The following MTOR variants were observed in gnomAD, a reference collection of about 807,000 sequenced individuals.
MTOR encodes serine/threonine-protein kinase mTOR.
Under a neutral mutation model 319.8 loss-of-function variants are expected in MTOR, and 70 were observed. The ratio of observed to expected loss-of-function variants is 0.22; its 90% CI spans 0.18 to 0.27. The LOEUF is 0.27. MTOR is among the 10% of genes least tolerant of loss of function. The pLI, the probability that MTOR is intolerant of heterozygous loss-of-function variation, is 1.00. For missense variants in MTOR, 1,890 were observed against 3,274.4 expected (o/e 0.58, Z 10.32); for synonymous variants, 1,183 against 1,211.4 (o/e 0.98, Z 0.49).
intron 49 of MTOR, among the ~76,000 whole-genome samples, chr1:11,120,109 G>A (rs999096444): frequency 7.3e-5 from 11 of 151,074 alleles, no homozygotes; most frequent in South Asian, 4.2e-4. Context: ...ACAAGGTCTC[G>A]CTCTGTCACC....
intron 30 of MTOR, chr1:11,152,586 G>A (rs1198651397): frequency 6.6e-6 from 1 of 152,142 alleles, no homozygotes; most frequent in African/African-American, 2.4e-5. Context: ...TTTGGCTGCA[G>A]GCGTGGCTGC....
Position 11,243,305 on chromosome 1 carries a change from G to T in MTOR, c.1226-5C>A, listed in dbSNP as rs1292945280. The T allele has an allele frequency of 4.3e-6, 7 of 1,613,106 alleles. No homozygotes were observed. The Admixed American group carries it at 1.0e-4, about 23-fold the overall frequency. ...TATCTTGGAGATACTGGGTATCTGA[G>T]CACAGAAAAGACAAAGTAGATAGCT... On this transcript the variant is annotated splice_region_variant and splice_polypyrimidine_tract_variant and intron_variant, in intron 8 of 57. Transcript: ENST00000361445.
intron 20 of MTOR, among the ~76,000 whole-genome samples, chr1:11,215,638 T>C (rs549562360): frequency 6.4e-4 from 97 of 152,322 alleles, no homozygotes; most frequent in Middle Eastern, 3.4e-3. Context: ...ATGCATGTTA[T>C]AAAATCCTGG....
intron 19 of MTOR, among the ~76,000 whole-genome samples, chr1:11,225,711 C>T (rs1046085853): frequency 1.3e-5 from 2 of 152,032 alleles, no homozygotes; most frequent in African/African-American, 2.4e-5. Context: ...CATGAGCCAC[C>T]GCACCTGGCC....
chr1:11,247,531 T>C (rs753481850), intron 8 of MTOR, 94 bp downstream of exon 8: 80 of 1,075,348 alleles, frequency 7.4e-5, no homozygotes, highest in Non-Finnish European at 9.5e-5. Context: ...TTTGTTGGCG[T>C]TGCTTCAAAG....
intron 30 of MTOR, among the ~76,000 whole-genome samples, chr1:11,156,933 G>A (rs1321642767): frequency 6.6e-6 from 1 of 152,150 alleles, no homozygotes; most frequent in South Asian, 2.1e-4. Context: ...CTGTCCTAGA[G>A]CATTATAAAG....
intron 45 of MTOR, 55 bp from the exon 46 acceptor site, chr1:11,126,851 G>A (rs1557752899): frequency 3.1e-6 from 5 of 1,590,006 alleles, no homozygotes; most frequent in Middle Eastern, 1.7e-4. Context: ...GAATTTAAAC[G>A]CAATTTAAGT....
Position 11,139,401 on chromosome 1 carries a change from C to T in MTOR, c.5033G>A (p.Gly1678Glu). 3 of 1,614,052 alleles carry T rather than the reference C, an allele frequency of 1.9e-6. No homozygotes were observed. Among genetic ancestry groups the T allele is most frequent in the South Asian group, 1.1e-5 (1 of 91,070 alleles). The change falls in exon 36 of 58, where the codon GGA becomes GAA. Residue 1678 changes from glycine to glutamate, a missense_variant. Physicochemically the swap from Gly to Glu is moderately conservative, Grantham distance 98. Around this residue, in one of 15 missense-constraint regions of MTOR, gnomAD observed 276 missense variants for 459.4 expected, o/e 0.60. Coordinates refer to ENST00000361445, the MANE Select transcript of MTOR (RefSeq NM_004958.4). ...GTCAAGTTGCCGAGACGGATCAACTCCCAGGAGCAACACTAAAGTTTTATG... is the reference window on the plus strand; with the variant it reads ...GTCAAGTTGCCGAGACGGATCAACTTCCAGGAGCAACACTAAAGTTTTATG... The part of the protein sequence containing the change: ...LAHKTLVLLL[G>E]VDPSRQLDHP...
At chr1:11,180,800 C>T (rs1293462908) in intron 28 of MTOR, among the ~76,000 whole-genome samples, 3 of 144,582 alleles carry the variant, frequency 2.1e-5, no homozygotes, top group Non-Finnish European at 3.0e-5. Context: ...TTTTTTTTGA[C>T]GGAGTCTTGC....
chr1:11,121,129 T>C lies in MTOR; in HGVS notation c.6933+117A>G. 1 of 1,417,786 alleles carries C rather than the reference T, an allele frequency of 7.1e-7. No individual in the cohort carries two copies. Among genetic ancestry groups the C allele is most frequent in the Non-Finnish European group, 9.4e-7 (1 of 1,058,338 alleles). 87.8% of individuals were successfully genotyped at this position (1,417,786 alleles called of 1,614,324 possible). On this transcript the variant is annotated intron_variant, in intron 49 of 57. Coordinates refer to ENST00000361445, the MANE Select transcript of MTOR (RefSeq NM_004958.4). The surrounding 1 kb of genome is among the most constrained non-coding windows in gnomAD (Gnocchi z 4.9). ...TTTTGTTAGAAAAGTCTGGACACGC[T>C]CTACAGCCAATCACAGCAAAGAAGA...
At chr1:11,176,147 C>A (rs894870480) in intron 28 of MTOR, among the ~76,000 whole-genome samples, 2 of 152,168 alleles carry the variant, frequency 1.3e-5, no homozygotes, top group Admixed American at 6.5e-5. Context: ...GCAGTCTAAA[C>A]GCCTTTCCTG....
intron 15 of MTOR, chr1:11,232,819 GAGC>G (rs1647065440): frequency 2.1e-6 from 1 of 487,014 alleles, no homozygotes; most frequent in African/African-American, 2.0e-5. Context: ...AGGTTGCAGT[GAGC>G]CAAGATCACA....
rs755888915 is a variant in MTOR at position 11,167,531 on chromosome 1, G to A, written c.4254-14C>T. ...TTATTATTAATGCTGAGAAAACAAA[G>A]GGAAAAGGTAGTTACACTCAACAGG... On this transcript the variant is annotated splice_polypyrimidine_tract_variant and intron_variant, in intron 28 of 57. Transcript: ENST00000361445. The A allele has an allele frequency of 3.7e-5, 59 of 1,607,896 alleles. No individual in the cohort carries two copies. Among genetic ancestry groups the A allele is most frequent in the Non-Finnish European group, 4.8e-5 (56 of 1,178,710 alleles).
At chr1:11,200,786 C>T (rs1012296475) in intron 26 of MTOR, among the ~76,000 whole-genome samples, 13 of 152,064 alleles carry the variant, frequency 8.5e-5, no homozygotes, top group South Asian at 2.1e-4. Flanking sequence ...GGGGCTGAGG[C>T]GGGCGGATCA....
At chr1:11,150,462 G>A (rs1167401667) in intron 30 of MTOR, among the ~76,000 whole-genome samples, 1 of 152,192 alleles carries the variant, frequency 6.6e-6, no homozygotes, top group Non-Finnish European at 1.5e-5. Context: ...GCCTAACTCT[G>A]TGATATGAAA....
Position 11,133,093 on chromosome 1 carries a change from C to A in MTOR, c.5351G>T (p.Arg1784Leu). The A allele has an allele frequency of 6.2e-7, 1 of 1,614,054 alleles. No individual in the cohort carries two copies. Among genetic ancestry groups the A allele is most frequent in the Non-Finnish European group, 8.5e-7 (1 of 1,179,966 alleles). ...GCTTCTGATCACCTTGTACCAGCTG[C>A]GGTCGTGCTCTGTGGCGGCGCTGTA... is the stretch of plus-strand genomic sequence containing the variant. Reference protein sequence around the residue: ...QYYSAATEHDRSWYKAWHAWA... With the variant: ...QYYSAATEHDLSWYKAWHAWA... Residue 1784 changes from arginine (R) to leucine (L), a missense_variant, in exon 38 of 58, where the codon CGC (arginine) becomes CTC (leucine). Physicochemically the swap from Arg to Leu is moderately radical, Grantham distance 102. Around this residue, in one of 15 missense-constraint regions of MTOR, gnomAD observed 276 missense variants for 459.4 expected, o/e 0.60. Coordinates refer to ENST00000361445, the MANE Select transcript of MTOR (RefSeq NM_004958.4). The surrounding 1 kb of genome is among the most constrained non-coding windows in gnomAD (Gnocchi z 4.0).
In MTOR at chr1:11,227,893, T is replaced by C. The variant is rs530341837; in HGVS notation, c.3030+775A>G. Among the ~76,000 whole-genome samples, 165 of 152,190 alleles carry C rather than the reference T, an allele frequency of 1.1e-3. 1 individual carries two copies. The highest frequency in any genetic ancestry group is 2.0e-3 in the Non-Finnish European group (134 of 68,022). ...TGTCACCCCACAGATTACTCACTAA[T>C]GGCAAAGGAAAACAGATAAGCTTAC... On this transcript the variant is annotated intron_variant, in intron 19 of 57. Transcript: ENST00000361445.
Position 11,209,449 on chromosome 1 carries a change from G to T in MTOR, c.3664C>A (p.Leu1222Ile). The T allele has an allele frequency of 6.2e-7, 1 of 1,614,148 alleles. No homozygotes were observed. Among genetic ancestry groups the T allele is most frequent in the Middle Eastern group, 1.6e-4 (1 of 6,062 alleles). Residue 1222 changes from leucine to isoleucine, a missense_variant, in exon 25 of 58, where the codon CTT (leucine) becomes ATT (isoleucine). Physicochemically the swap from Leu to Ile is conservative, Grantham distance 5. Coordinates refer to ENST00000361445, the MANE Select transcript of MTOR (RefSeq NM_004958.4). ...LICRIVKGYT[L>I]ADEEEDPLIY... ...AAAGGATCCTCCTCTTCATCAGCAA[G>T]TGTGTATCCCTACAACCAAAGATTT...
At chr1:11,167,122 C>T (rs1373694119) in intron 29 of MTOR, among the ~76,000 whole-genome samples, 1 of 152,032 alleles carries the variant, frequency 6.6e-6, no homozygotes, top group Non-Finnish European at 1.5e-5. Flanking sequence ...GGAGGGATAG[C>T]ATTAGGAGAT....
Sources: allele counts gnomAD v4.1 joint callset (sites outside exome capture counted in the v4.1 genomes callset), GRCh38; gene constraint gnomAD v4.1.1; regional missense constraint gnomAD v4.1.1; non-coding constraint Gnocchi (gnomAD v3.1); transcripts MANE v1.5; gene names NCBI Gene and HGNC (gene_info 2026-07-23, HGNC 2026-07-21).